ZNF695: variants seen among roughly 807,000 people sequenced by gnomAD.
ZNF695 encodes zinc finger protein 695.
ZNF695 carries 11 observed loss-of-function variants against 11.2 expected under a neutral mutation model. That is an observed-to-expected ratio of 0.98 (90% CI 0.62 to 1.62). The LOEUF is 1.62. ZNF695 is among the 40% of genes most tolerant of loss of function. The probability of loss-of-function intolerance (pLI) is 0.00; values close to 1 mark genes in which losing one functional copy is unlikely to be tolerated. For synonymous variants in ZNF695, 190 were observed against 201.4 expected (o/e 0.94, Z 0.48); for missense variants, 559 against 590.5 (o/e 0.95, Z 0.55).
chr1:246,966,741 C>T (rs1218298957), intron 5 of ZNF695: 1 of 455,752 alleles, frequency 2.2e-6, no homozygotes, highest in Non-Finnish European at 4.4e-6. Flanking sequence ...GCTATGATCA[C>T]ATCACTGCAC....
chr1:246,975,448 T>C (rs553187771), intron 4 of ZNF695, among the ~76,000 whole-genome samples: 131 of 152,374 alleles, frequency 8.6e-4, no homozygotes, highest in African/African-American at 3.0e-3. Context: ...AGAAGCTTAG[T>C]CTACGGAGGA....
intron 5 of ZNF695, among the ~76,000 whole-genome samples, chr1:246,953,133 C>A (rs919585311): frequency 6.6e-6 from 1 of 152,094 alleles, no homozygotes; most frequent in Non-Finnish European, 1.5e-5. Flanking sequence ...TCTTGTCATA[C>A]GCTCAACTTC....
chr1:246,979,727 GTTAGT>G (rs67574306), intron 4 of ZNF695: 80,417 of 150,542 alleles, frequency 0.53, 25,268 homozygotes, highest in East Asian at 0.97. Context: ...GCTCATAATT[GTTAGT>G]TTAGAGTATT....
chr1:246,952,856 A>T (rs1180646075), intron 5 of ZNF695, among the ~76,000 whole-genome samples: 2 of 151,614 alleles, frequency 1.3e-5, no homozygotes, highest in Admixed American at 1.3e-4. Context: ...AGGCAGGAGG[A>T]TCACTTAAGC....
chr1:246,965,149 C>T (rs1558306426), intron 5 of ZNF695, among the ~76,000 whole-genome samples: 2 of 151,840 alleles, frequency 1.3e-5, no homozygotes, highest in Non-Finnish European at 2.9e-5. Flanking sequence ...GGGCAGATCA[C>T]GAGGTCAGAA....
intron 5 of ZNF695, chr1:246,967,354 G>A: frequency 2.2e-6 from 1 of 456,482 alleles, no homozygotes; most frequent in Non-Finnish European, 4.4e-6. Context: ...AAAACCCCAA[G>A]CTAGAAATGC....
At chr1:246,946,783 T>C (rs12722828) in intron 5 of ZNF695, among the ~76,000 whole-genome samples, 78,947 of 152,154 alleles carry the variant, frequency 0.52, 20,646 homozygotes, top group Middle Eastern at 0.6. Flanking sequence ...ATCCAGAGAA[T>C]CCTCTCTTCA....
At chr1:247,005,654 G>T (rs1669509526) in intron 1 of ZNF695, among the ~76,000 whole-genome samples, 1 of 151,870 alleles carries the variant, frequency 6.6e-6, no homozygotes, top group Admixed American at 6.6e-5. Flanking sequence ...ATGACAGAGT[G>T]AGACTGTCTC....
At chr1:246,949,600 G>GAA (rs71498940) in intron 5 of ZNF695, among the ~76,000 whole-genome samples, 2 of 131,576 alleles carry the variant, frequency 1.5e-5, no homozygotes, top group African/African-American at 3.2e-5. Context: ...CAAAAAAAAA[G>GAA]AAAAAAAAAA....
chr1:246,950,623 C>T, intron 5 of ZNF695, among the ~76,000 whole-genome samples: 1 of 136,128 alleles, frequency 7.3e-6, no homozygotes, highest in Non-Finnish European at 1.5e-5. Flanking sequence ...TGCACTCCAG[C>T]CAGGGCAACA....
intron 1 of ZNF695, among the ~76,000 whole-genome samples, chr1:247,001,957 AGGG>A (rs1669399746): frequency 6.6e-6 from 1 of 152,128 alleles, no homozygotes; most frequent in Non-Finnish European, 1.5e-5. Flanking sequence ...TAACAAAGAT[AGGG>A]ACCTGAACTC....
At position 246,987,041 on chromosome 1, in the gene ZNF695, A is replaced by G. The variant is rs765870418; in HGVS notation, c.1474T>C (p.Tyr492His). The G allele has an allele frequency of 4.3e-6, 7 of 1,613,618 alleles. No individual in the cohort carries two copies. In the Admixed American group the frequency reaches 6.7e-5, roughly 15 times the overall value. Residue 492 changes from tyrosine to histidine, a missense_variant, in exon 4 of 4, where the codon TAC (tyrosine) becomes CAC (histidine). Transcript: ENST00000339986. ...GCTTTGCCACATTCCTCACACTTGT[A>G]TGGTTTCTCTCTGGTATGAATTGTC... ...HKTIHTREKP[Y>H]KCEECGKAFN...
At chr1:247,000,128 T>C (rs1669321570) in intron 1 of ZNF695, 54 bp from the exon 2 acceptor site, 5 of 1,491,412 alleles carry the variant, frequency 3.4e-6, no homozygotes, top group Middle Eastern at 1.8e-4. Context: ...TTAATTTGAC[T>C]ACAGGCAAGG....
intron 1 of ZNF695, among the ~76,000 whole-genome samples, chr1:247,004,339 A>C (rs1360029002): frequency 6.6e-6 from 1 of 152,204 alleles, no homozygotes; most frequent in Non-Finnish European, 1.5e-5. Flanking sequence ...AAGGAGAAAA[A>C]CCATATGATC....
chr1:247,005,094 T>G (rs1226435620), intron 1 of ZNF695, among the ~76,000 whole-genome samples: 7 of 152,144 alleles, frequency 4.6e-5, no homozygotes, highest in Non-Finnish European at 1.0e-4. Flanking sequence ...AGCCTAAAAT[T>G]TTTTTGGAAC....
At chr1:246,980,178 TAAAA>T (rs71566679) in intron 4 of ZNF695, among the ~76,000 whole-genome samples, 1 of 88,756 alleles carries the variant, frequency 1.1e-5, no homozygotes. Flanking sequence ...ACTCTGTATT[TAAAA>T]AAAAAAAAAA....
chr1:246,977,572 G>A (rs921724212), intron 4 of ZNF695, among the ~76,000 whole-genome samples: 2 of 152,300 alleles, frequency 1.3e-5, no homozygotes, highest in East Asian at 1.9e-4. Context: ...GTTTTTAAAA[G>A]TCTTTTAGGA....
intron 4 of ZNF695, among the ~76,000 whole-genome samples, chr1:246,971,187 G>C (rs371738623): frequency 5.5e-4 from 83 of 152,256 alleles, no homozygotes; most frequent in African/African-American, 1.6e-3. Context: ...ACCGGAGAGG[G>C]GGCCCTTCCA....
downstream of ZNF695, among the ~76,000 whole-genome samples, chr1:246,984,120 C>A (rs1458334675): frequency 7.5e-6 from 1 of 133,900 alleles, no homozygotes; most frequent in Non-Finnish European, 1.5e-5. Flanking sequence ...CCAGTGCACA[C>A]CAGCCTGGGT....
Sources: gnomAD v4.1 joint callset for allele counts (sites outside exome capture counted in the v4.1 genomes callset) on GRCh38, gnomAD v4.1.1 for gene constraint, MANE v1.5 for transcripts, NCBI Gene and HGNC (gene_info 2026-07-23, HGNC 2026-07-21) for gene names.